The following RFTN1 variants were observed in gnomAD, a reference collection of about 807,000 sequenced individuals.
RFTN1 encodes the protein raftlin.
A neutral mutation model predicts 46.5 loss-of-function variants in RFTN1; 26 were observed. That is an observed-to-expected ratio of 0.56 (90% confidence interval 0.41 to 0.78). The LOEUF is 0.78. Ranked by LOEUF, RFTN1 falls within the 30% of genes least tolerant of loss-of-function variation. The pLI, the probability that RFTN1 is intolerant of heterozygous loss-of-function variation, is 0.00. For synonymous variants in RFTN1, 261 were observed against 284.2 expected, an observed-to-expected ratio of 0.92 and a Z score of 0.82; for missense variants, 693 against 718.7, an observed-to-expected ratio of 0.96 and a Z score of 0.41.
At position 16,387,549 on chromosome 3, in the gene RFTN1, T is replaced by A. The variant is rs2074220708; in HGVS notation, c.442-9447A>T. 7.0e-6 allele frequency among the ~76,000 whole-genome samples: 1 copy of A among 143,302 alleles called. No homozygotes were observed. Among genetic ancestry groups the A allele is most frequent in the Non-Finnish European group, 1.5e-5 (1 of 65,872 alleles). The allele number at this position is 143,302 out of a possible 152,430, so 94.0% of individuals were successfully genotyped here. ...AGACCCAGCTCTACTTAGGACCACT[T>A]CTCTCTTCTATATCCTCAATTTCTC... is the stretch of plus-strand genomic sequence containing the variant. On this transcript the variant is annotated intron_variant, in intron 4 of 9. Coordinates refer to ENST00000334133, the MANE Select transcript of RFTN1 (RefSeq NM_015150.2). The surrounding 1 kb of genome is among the most constrained non-coding windows in gnomAD (Gnocchi z 5.2).
In RFTN1 at chr3:16,377,660, T is replaced by C. The variant is rs1326408792; in HGVS notation, c.826+58A>G. 3 of 1,519,868 alleles carry C rather than the reference T, an allele frequency of 2.0e-6. No homozygotes were observed. The African/African-American group carries it at 4.2e-5, about 21-fold the overall frequency. The allele number at this position is 1,519,868 out of a possible 1,614,324, so 94.1% of individuals were successfully genotyped here. On this transcript the variant is annotated intron_variant, in intron 5 of 9. Coordinates refer to ENST00000334133, the MANE Select transcript of RFTN1 (RefSeq NM_015150.2). ...TTCTCTGAGATACCATGGGGATTAA[T>C]GAAAAGCTGTTAGCTGCTCTTTAAG...
At chr3:16,414,361 C>G in intron 3 of RFTN1, among the ~76,000 whole-genome samples, 1 of 150,908 alleles carries the variant, frequency 6.6e-6, no homozygotes, top group East Asian at 1.9e-4. Flanking sequence ...AATCCTAGCA[C>G]TTCGGGAGGC....
In RFTN1 at chr3:16,420,097, C is replaced by T. The variant is rs566849995; in HGVS notation, c.333-10614G>A. 9.8e-5 allele frequency among the ~76,000 whole-genome samples: 15 copies of T among 152,330 alleles called. No individual in the cohort carries two copies. In the South Asian group the frequency reaches 3.1e-3, roughly 32 times the overall value. On this transcript the variant is annotated intron_variant, in intron 3 of 9. Coordinates refer to ENST00000334133, the MANE Select transcript of RFTN1 (RefSeq NM_015150.2). ...GGCTCCCTGGGAGACAAACTATCAG[C>T]CACTGTGCACTACAAGGAGTGCACT...
rs1256423324 is a variant in RFTN1, at chr3:16,458,524, T to C, written c.146-24487A>G. 1.3e-5 allele frequency among the ~76,000 whole-genome samples: 2 copies of C among 152,256 alleles called. No individual in the cohort carries two copies. The highest frequency in any genetic ancestry group is 2.9e-5 in the Non-Finnish European group (2 of 68,048). On this transcript the variant is annotated intron_variant, in intron 2 of 9. Transcript: ENST00000334133. The surrounding 1 kb of genome is among the most constrained non-coding windows in gnomAD (Gnocchi z 5.1). ...GCCCATCTATCTATAGCTTTCCTTTTGCAGTAGCTTTTCAATAGTGGATCT... is the reference window on the plus strand; with the variant it reads ...GCCCATCTATCTATAGCTTTCCTTTCGCAGTAGCTTTTCAATAGTGGATCT...
At chr3:16,417,771 C>T (rs2075111428) in intron 3 of RFTN1, among the ~76,000 whole-genome samples, 1 of 152,154 alleles carries the variant, frequency 6.6e-6, no homozygotes. Flanking sequence ...ACATTTTGTT[C>T]TCATATAAAA....
At chr3:16,388,998 A>G (rs1362515549) in intron 4 of RFTN1, among the ~76,000 whole-genome samples, 1 of 152,182 alleles carries the variant, frequency 6.6e-6, no homozygotes, top group Non-Finnish European at 1.5e-5. Flanking sequence ...ACCACAGTTA[A>G]ATGAGTGAGT....
chr3:16,432,128 T>A (rs1559343818), intron 3 of RFTN1, among the ~76,000 whole-genome samples: 1 of 152,264 alleles, frequency 6.6e-6, no homozygotes, highest in Non-Finnish European at 1.5e-5. Flanking sequence ...ACTGTCATTA[T>A]ACATATCCTA....
In RFTN1 at chr3:16,337,644, A is replaced by G. The variant is rs1297832435; in HGVS notation, c.1147-10768T>C. Among the ~76,000 whole-genome samples the G allele has an allele frequency of 1.3e-5, 2 of 151,208 alleles. No individual in the cohort carries two copies. Among genetic ancestry groups the G allele is most frequent in the Non-Finnish European group, 2.9e-5 (2 of 67,892 alleles). ...GTAGTCCCAGCTACTCGGGAGGCTG[A>G]GGCAGGAGAATCGCTTGAACCCAGG... is the stretch of plus-strand genomic sequence containing the variant. On this transcript the variant is annotated intron_variant, in intron 7 of 9. Coordinates refer to ENST00000334133, the MANE Select transcript of RFTN1 (RefSeq NM_015150.2). This position sits in a 1 kb window ranked among gnomAD's most constrained non-coding sequence, Gnocchi z 5.0.
rs942634048 is a variant in RFTN1, at chr3:16,384,128, C to G, written c.442-6026G>C. On this transcript the variant is annotated intron_variant, in intron 4 of 9. Coordinates refer to ENST00000334133, the MANE Select transcript of RFTN1 (RefSeq NM_015150.2). The surrounding 1 kb of genome is among the most constrained non-coding windows in gnomAD (Gnocchi z 4.7). ...TCCCAAAGGAAAAAGAATTCTGCCT[C>G]TGGACTGCAACACAGAAATTCTCCC... Among the ~76,000 whole-genome samples the G allele has an allele frequency of 1.3e-5, 2 of 152,212 alleles. No homozygotes were observed. The highest frequency in any genetic ancestry group is 2.9e-5 in the Non-Finnish European group (2 of 68,044).
chr3:16,397,433 G>A (rs2074495312), intron 4 of RFTN1, among the ~76,000 whole-genome samples: 1 of 152,160 alleles, frequency 6.6e-6, no homozygotes, highest in Non-Finnish European at 1.5e-5. Context: ...ACAGCATGAG[G>A]ACTACAGTTA....
At position 16,498,765 on chromosome 3, in the gene RFTN1, C is replaced by A. The variant is rs1024959250; in HGVS notation, c.-8-4888G>T. ...CATTCCTTTCATTTCGCCCTGGATT[C>A]TTCCACCAACTCCCACCCCTGTCAA... On this transcript the variant is annotated intron_variant, in intron 1 of 9. Transcript: ENST00000334133. This position sits in a 1 kb window ranked among gnomAD's most constrained non-coding sequence, Gnocchi z 5.2. 3.3e-5 allele frequency among the ~76,000 whole-genome samples: 5 copies of A among 152,304 alleles called. No individual in the cohort carries two copies. The highest frequency in any genetic ancestry group is 5.9e-5 in the Non-Finnish European group (4 of 68,010).
At chr3:16,478,502 T>C (rs983272590) in intron 2 of RFTN1, among the ~76,000 whole-genome samples, 5 of 152,250 alleles carry the variant, frequency 3.3e-5, no homozygotes. Context: ...CTTTTTAACA[T>C]AAACTGCCTG....
intron 1 of RFTN1, among the ~76,000 whole-genome samples, chr3:16,503,196 T>C (rs555890439): frequency 1.3e-5 from 2 of 152,248 alleles, no homozygotes; most frequent in Admixed American, 6.5e-5. Context: ...TCGCTAAAAA[T>C]AGCTCCCACT....
chr3:16,456,396 T>C (rs1201925997), intron 2 of RFTN1, among the ~76,000 whole-genome samples: 2 of 152,202 alleles, frequency 1.3e-5, no homozygotes, highest in East Asian at 3.9e-4. Flanking sequence ...GGGAGCATCC[T>C]AAAAGATGAG....
In RFTN1 at chr3:16,440,874, C is replaced by G. The variant is rs1403325382; in HGVS notation, c.146-6837G>C. On this transcript the variant is annotated intron_variant, in intron 2 of 9. Coordinates refer to ENST00000334133, the MANE Select transcript of RFTN1 (RefSeq NM_015150.2). The surrounding 1 kb of genome is among the most constrained non-coding windows in gnomAD (Gnocchi z 4.6). ...ATTTGATAAAGTTGGGGGATGGATG[C>G]CCCGCACTTCTTCCTATTTCTGATC... 6.6e-6 allele frequency among the ~76,000 whole-genome samples: 1 copy of G among 152,166 alleles called. No homozygotes were observed. Among genetic ancestry groups the G allele is most frequent in the Admixed American group, 6.6e-5 (1 of 15,264 alleles).
chr3:16,357,162 C>T (rs192227214), intron 7 of RFTN1, among the ~76,000 whole-genome samples: 6 of 150,370 alleles, frequency 4.0e-5, no homozygotes, highest in Admixed American at 4.0e-4. Flanking sequence ...ACAAAAAAAA[C>T]CAAGAATTCA....
rs925597336 is a variant in RFTN1, at chr3:16,356,139, C to A, written c.1146+1793G>T. Among the ~76,000 whole-genome samples, 5 of 152,210 alleles carry A rather than the reference C, an allele frequency of 3.3e-5. No homozygotes were observed. The highest frequency in any genetic ancestry group is 1.2e-4 in the African/African-American group (5 of 41,454). On this transcript the variant is annotated intron_variant, in intron 7 of 9. Transcript: ENST00000334133. The surrounding 1 kb of genome is among the most constrained non-coding windows in gnomAD (Gnocchi z 4.9). ...CACACGTGATGGGCCATGTGACCTGCCCAGCTTACAAGTTGAGGAAGGACA... is the reference window on the plus strand; with the variant it reads ...CACACGTGATGGGCCATGTGACCTGACCAGCTTACAAGTTGAGGAAGGACA...
Position 16,429,863 on chromosome 3 carries a change from C to T in RFTN1, c.332+3988G>A, listed in dbSNP as rs955646270. On this transcript the variant is annotated intron_variant, in intron 3 of 9. Transcript: ENST00000334133. This position sits in a 1 kb window ranked among gnomAD's most constrained non-coding sequence, Gnocchi z 6.4. Reference sequence around the variant, plus strand: ...TGGTAATGAAGTTCACTTGGGTCAACAATAATCTAGAATGTGTATCTACAT... The same window carrying T: ...TGGTAATGAAGTTCACTTGGGTCAATAATAATCTAGAATGTGTATCTACAT... 6.6e-6 allele frequency among the ~76,000 whole-genome samples: 1 copy of T among 152,138 alleles called. No individual in the cohort carries two copies. The highest frequency in any genetic ancestry group is 1.5e-5 in the Non-Finnish European group (1 of 68,018).
intron 2 of RFTN1, among the ~76,000 whole-genome samples, chr3:16,464,898 T>C (rs1165214131): frequency 6.6e-6 from 1 of 152,194 alleles, no homozygotes; most frequent in Non-Finnish European, 1.5e-5. Context: ...TCAGACACAT[T>C]CAGTGACTCG....
Sources: gnomAD v4.1 joint callset for allele counts (sites outside exome capture counted in the v4.1 genomes callset) on GRCh38, gnomAD v4.1.1 for gene constraint, Gnocchi (gnomAD v3.1) non-coding constraint, MANE v1.5 for transcripts, NCBI Gene and HGNC (gene_info 2026-07-23, HGNC 2026-07-21) for gene names.